RIT2: variants seen among roughly 807,000 people sequenced by gnomAD.
RIT2 encodes the protein Ras like without CAAX 2.
A neutral mutation model predicts 23.7 loss-of-function variants in RIT2; 24 were observed. The observed-to-expected ratio is 1.01, with a 90% CI of 0.73 to 1.43. The LOEUF (loss-of-function observed/expected upper bound fraction) is 1.43, where lower values mean the gene tolerates loss of function less well. Among genes scored for constraint, RIT2 ranks in the 40% most tolerant of loss-of-function variants. The pLI, the probability that RIT2 is intolerant of heterozygous loss-of-function variation, is 0.00. For missense variants in RIT2, 236 were observed against 266.9 expected (o/e 0.88, Z 0.81); for synonymous variants, 107 against 91.1 (o/e 1.17, Z -0.99).
At chr18:43,098,886 A>C (rs1379574216) in intron 1 of RIT2, among the ~76,000 whole-genome samples, 2 of 151,962 alleles carry the variant, frequency 1.3e-5, no homozygotes, top group Non-Finnish European at 2.9e-5. Flanking sequence ...ATACTATACG[A>C]AACAAACCCA....
chr18:43,018,556 C>G (rs1321278635), intron 2 of RIT2, among the ~76,000 whole-genome samples: 1 of 151,808 alleles, frequency 6.6e-6, no homozygotes, highest in African/African-American at 2.4e-5. Context: ...AAGGGAACCC[C>G]CATCAGATTG....
At position 42,981,415 on chromosome 18, in the gene RIT2, C is replaced by T. The variant is rs181663951; in HGVS notation, c.161-7268G>A. Among the ~76,000 whole-genome samples, 1,036 of 152,202 alleles carry T rather than the reference C, an allele frequency of 6.8e-3. 7 individuals are homozygous for T. Among genetic ancestry groups the T allele is most frequent in the Non-Finnish European group, 7.1e-3 (482 of 68,008 alleles). ...TCTTCATCCTCATCTGATGGACCCT[C>T]GGAGAGGATTCCAATGTACCTCTGA... On this transcript the variant is annotated intron_variant, in intron 2 of 4. Transcript: ENST00000326695.
chr18:43,063,048 T>C (rs1459348616), intron 1 of RIT2, among the ~76,000 whole-genome samples: 1 of 152,098 alleles, frequency 6.6e-6, no homozygotes, highest in Non-Finnish European at 1.5e-5. Context: ...CCTTGAGGGT[T>C]ATAACCAGAG....
chr18:43,037,535 A>C (rs1049710841), intron 1 of RIT2, among the ~76,000 whole-genome samples: 8 of 152,274 alleles, frequency 5.3e-5, no homozygotes, highest in Admixed American at 2.6e-4. Flanking sequence ...TTATTTTAAT[A>C]GGCAAGTTAA....
intron 2 of RIT2, among the ~76,000 whole-genome samples, chr18:42,990,865 A>G (rs1253666565): frequency 6.6e-6 from 1 of 150,940 alleles, no homozygotes; most frequent in Non-Finnish European, 1.5e-5. Flanking sequence ...GATTAAACTA[A>G]GTCTGTTAGA....
chr18:43,002,915 G>T (rs1428162617), intron 2 of RIT2, among the ~76,000 whole-genome samples: 1 of 151,946 alleles, frequency 6.6e-6, no homozygotes, highest in East Asian at 1.9e-4. Flanking sequence ...GGCCTTTAAA[G>T]AGAGAGAGGC....
At chr18:42,895,591 A>G (rs1403246919) in intron 4 of RIT2, among the ~76,000 whole-genome samples, 1 of 152,206 alleles carries the variant, frequency 6.6e-6, no homozygotes, top group Admixed American at 6.5e-5. Flanking sequence ...AAGGGCCACT[A>G]TGTAAAAATC....
chr18:42,967,258 C>T (rs1910249789), intron 3 of RIT2, among the ~76,000 whole-genome samples: 1 of 151,984 alleles, frequency 6.6e-6, no homozygotes, highest in African/African-American at 2.4e-5. Context: ...TGATTGGCTT[C>T]TATAAATCTT....
At chr18:43,008,029 T>C (rs8097693) in intron 2 of RIT2, among the ~76,000 whole-genome samples, 144,763 of 151,636 alleles carry the variant, frequency 0.95, 69,454 homozygotes, top group East Asian at 1. Flanking sequence ...ATTGTGTGTC[T>C]TTGGATCAAG....
At chr18:43,059,045 A>AG (rs955801097) in intron 1 of RIT2, among the ~76,000 whole-genome samples, 4 of 152,090 alleles carry the variant, frequency 2.6e-5, no homozygotes, top group African/African-American at 4.8e-5. Context: ...GAGCTTGCAC[A>AG]GGGGCTGTCG....
chr18:42,923,641 C>G lies in RIT2; in HGVS notation c.357G>C (p.Gln119His). ...GGGGAATTTCATAGGTGTGGCGGACCTGAAAAATGAGCTCTTTAAACTTGG... is the reference window on the plus strand; with the variant it reads ...GGGGAATTTCATAGGTGTGGCGGACGTGAAAAATGAGCTCTTTAAACTTGG... Reference protein sequence around the residue: ...EAAKFKELIFQVRHTYEIPLV... With the variant: ...EAAKFKELIFHVRHTYEIPLV... The change falls in exon 4 of 5, where the codon CAG (glutamine) becomes CAC (histidine). Residue 119 changes from glutamine to histidine, a missense_variant. Gln to His is a conservative substitution (Grantham distance 24, BLOSUM62 0). Transcript: ENST00000326695. 1 of 1,613,322 alleles carries G rather than the reference C, an allele frequency of 6.2e-7. No homozygotes were observed. The highest frequency in any genetic ancestry group is 8.5e-7 in the Non-Finnish European group (1 of 1,179,618).
intron 1 of RIT2, among the ~76,000 whole-genome samples, chr18:43,069,318 C>G (rs760844458): frequency 6.6e-6 from 1 of 152,030 alleles, no homozygotes; most frequent in Non-Finnish European, 1.5e-5. Flanking sequence ...TCTTTCACCA[C>G]TTTATTTTCT....
intron 4 of RIT2, among the ~76,000 whole-genome samples, chr18:42,828,501 T>C (rs1338099961): frequency 6.6e-6 from 1 of 152,252 alleles, no homozygotes; most frequent in Non-Finnish European, 1.5e-5. Flanking sequence ...ATAGGTGGCA[T>C]GTAGCCCTTC....
chr18:43,105,126 G>T (rs1859123207), intron 1 of RIT2, among the ~76,000 whole-genome samples: 2 of 150,446 alleles, frequency 1.3e-5, no homozygotes, highest in East Asian at 2.0e-4. Context: ...GTGTGTGTGT[G>T]TGTGTTTGTG....
intron 3 of RIT2, among the ~76,000 whole-genome samples, chr18:42,940,309 TTAA>T (rs1183429161): frequency 3.5e-5 from 5 of 144,356 alleles, no homozygotes; most frequent in South Asian, 2.1e-4. Flanking sequence ...ATTTAATATA[TTAA>T]TAATATAAAT....
chr18:42,842,320 G>A (rs556623960), intron 4 of RIT2, among the ~76,000 whole-genome samples: 58 of 152,196 alleles, frequency 3.8e-4, no homozygotes, highest in Middle Eastern at 3.4e-3. Context: ...CTTGAGCCTC[G>A]TATTATCCAA....
chr18:42,863,753 G>A (rs1053347665), intron 4 of RIT2, among the ~76,000 whole-genome samples: 1 of 152,072 alleles, frequency 6.6e-6, no homozygotes, highest in Non-Finnish European at 1.5e-5. Context: ...TTTTAGCAGT[G>A]CAAAAGCTTT....
At chr18:43,061,408 T>G (rs1402293609) in intron 1 of RIT2, among the ~76,000 whole-genome samples, 1 of 152,048 alleles carries the variant, frequency 6.6e-6, no homozygotes, top group East Asian at 1.9e-4. Context: ...GCAACGGATA[T>G]CAGACTCTTT....
chr18:42,917,759 G>A (rs2144126419), intron 4 of RIT2, among the ~76,000 whole-genome samples: 1 of 152,122 alleles, frequency 6.6e-6, no homozygotes, highest in Non-Finnish European at 1.5e-5. Context: ...TCTCAAACAT[G>A]CTAAGCTAAA....
Sources: gnomAD v4.1 joint callset for allele counts (sites outside exome capture counted in the v4.1 genomes callset) on GRCh38, gnomAD v4.1.1 for gene constraint, MANE v1.5 for transcripts, NCBI Gene and HGNC (gene_info 2026-07-23, HGNC 2026-07-21) for gene names.